The following MLLT10 variants were observed in gnomAD, a reference collection of about 807,000 sequenced individuals.
MLLT10 encodes protein AF-10.
In MLLT10, 30 loss-of-function variants were observed where a neutral mutation model predicts 129.1. The observed-to-expected ratio is 0.23, with a 90% CI of 0.17 to 0.32. The LOEUF is 0.32. MLLT10 is among the 10% of genes least tolerant of loss of function. MLLT10 has a pLI of 1.00. For synonymous variants in MLLT10, 490 were observed against 446.4 expected (o/e 1.10, Z -1.23); for missense variants, 1,119 against 1,268.3 (o/e 0.88, Z 1.79).
chr10:21,688,535 A>C, intron 13 of MLLT10: 1 of 1,612,070 alleles, frequency 6.2e-7, no homozygotes, highest in Non-Finnish European at 8.5e-7. Context: ...ACTTAAATTC[A>C]TAGGTATGTA....
At chr10:21,728,070 T>A in intron 16 of MLLT10, 142 bp downstream of exon 16, 2 of 593,236 alleles carry the variant, frequency 3.4e-6, no homozygotes, top group Non-Finnish European at 5.9e-6. Flanking sequence ...ACAAGAAAAA[T>A]GATTCTAAAT....
intron 7 of MLLT10, among the ~76,000 whole-genome samples, chr10:21,615,848 G>A (rs974006243): frequency 1.3e-5 from 2 of 152,116 alleles, no homozygotes; most frequent in African/African-American, 4.8e-5. Flanking sequence ...TTACATATTT[G>A]TATCCATGTT....
intron 14 of MLLT10, among the ~76,000 whole-genome samples, chr10:21,725,402 G>A (rs977380752): frequency 2.6e-5 from 4 of 151,994 alleles, no homozygotes; most frequent in Non-Finnish European, 5.9e-5. Flanking sequence ...ACCTTCCAAC[G>A]TGCCAGTTCT....
Position 21,571,323 on chromosome 10 carries a change from C to G in MLLT10, c.241-14971C>G, listed in dbSNP as rs532646187. ...CCTTTGTAGATCTCTTCATTTCTCT[C>G]TCTCTCTCCAGCTCTCTACTCAGTG... On this transcript the variant is annotated intron_variant, in intron 3 of 22. Transcript: ENST00000307729. 1.1e-4 allele frequency among the ~76,000 whole-genome samples: 16 copies of G among 152,038 alleles called. No homozygotes were observed. In the South Asian group the frequency reaches 3.1e-3, roughly 30 times the overall value.
chr10:21,566,113 C>T (rs1447379424), intron 3 of MLLT10, among the ~76,000 whole-genome samples: 4 of 151,604 alleles, frequency 2.6e-5, no homozygotes, highest in Non-Finnish European at 4.4e-5. Flanking sequence ...CCACGCCTGG[C>T]TAAATTTTTT....
intron 5 of MLLT10, among the ~76,000 whole-genome samples, chr10:21,601,635 C>T (rs1442166456): frequency 2.0e-5 from 3 of 152,144 alleles, no homozygotes; most frequent in Non-Finnish European, 1.5e-5. Context: ...AGCAATCAGT[C>T]CTCCCACCTC....
rs867201193 is a variant in MLLT10, at chr10:21,559,837, T to C, written c.240+20925T>C. 5.3e-5 allele frequency among the ~76,000 whole-genome samples: 8 copies of C among 152,268 alleles called. No individual in the cohort carries two copies. In the South Asian group the frequency reaches 1.7e-3, roughly 31 times the overall value. On this transcript the variant is annotated intron_variant, in intron 3 of 22. Coordinates refer to ENST00000307729, the MANE Select transcript of MLLT10 (RefSeq NM_001195626.3). Reference sequence around the variant, plus strand: ...CCATTGTTATGTATATACCGTGTTTTGTTTATCCATTCATCTGTTGATGGA... The same window carrying C: ...CCATTGTTATGTATATACCGTGTTTCGTTTATCCATTCATCTGTTGATGGA...
At chr10:21,668,124 A>G (rs546788884) in intron 9 of MLLT10, among the ~76,000 whole-genome samples, 2 of 152,278 alleles carry the variant, frequency 1.3e-5, no homozygotes, top group South Asian at 2.1e-4. Flanking sequence ...AGTAGTTGGC[A>G]TTTTGTGGTC....
rs1190990691 is a variant in MLLT10, at chr10:21,706,283, T to A, written c.1700-7489T>A. Among the ~76,000 whole-genome samples, 3 of 152,354 alleles carry A rather than the reference T, an allele frequency of 2.0e-5. No homozygotes were observed. The East Asian group carries it at 5.8e-4, about 29-fold the overall frequency. On this transcript the variant is annotated intron_variant, in intron 13 of 22. Coordinates refer to ENST00000307729, the MANE Select transcript of MLLT10 (RefSeq NM_001195626.3). The stretch of plus-strand genomic sequence containing the variant: ...GATGTTTACTATGTGGTAGACAGCA[T>A]ACTGTCTACCATGACTGGTGCCTGC...
chr10:21,564,878 C>G (rs1044057425), intron 3 of MLLT10, among the ~76,000 whole-genome samples: 4 of 150,020 alleles, frequency 2.7e-5, no homozygotes, highest in Non-Finnish European at 5.9e-5. Flanking sequence ...TTCTGTTGTT[C>G]TGTAAAATGT....
chr10:21,634,305 T>C (rs970579218), intron 8 of MLLT10, among the ~76,000 whole-genome samples: 1 of 152,218 alleles, frequency 6.6e-6, no homozygotes, highest in Non-Finnish European at 1.5e-5. Flanking sequence ...CTAGTTGTTT[T>C]GCAGTGTTGC....
chr10:21,539,886 A>G (rs2034791126), intron 3 of MLLT10, among the ~76,000 whole-genome samples: 1 of 152,008 alleles, frequency 6.6e-6, no homozygotes, highest in Non-Finnish European at 1.5e-5. Context: ...CGGAGGTTGC[A>G]GTGAGCTGAG....
chr10:21,622,813 C>T (rs188039730), intron 8 of MLLT10, among the ~76,000 whole-genome samples: 5 of 152,256 alleles, frequency 3.3e-5, no homozygotes, highest in Admixed American at 6.5e-5. Context: ...GTGCAGATCC[C>T]ATAGATACTG....
chr10:21,681,938 A>G (rs1291887098), intron 12 of MLLT10, among the ~76,000 whole-genome samples: 7 of 152,206 alleles, frequency 4.6e-5, no homozygotes, highest in African/African-American at 1.2e-4. Flanking sequence ...ATGTCTTTTA[A>G]AAAGTGATTT....
At chr10:21,679,602 G>A (rs574301877) in intron 11 of MLLT10, among the ~76,000 whole-genome samples, 1 of 152,284 alleles carries the variant, frequency 6.6e-6, no homozygotes, top group South Asian at 2.1e-4. Context: ...AATGGAACAC[G>A]AGGCATAAAG....
At position 21,534,626 on chromosome 10, in the gene MLLT10, C is replaced by T. The variant is rs755110760; in HGVS notation, c.1-19C>T. ...CGGCTTGCATGTGTTTTTTAATGGT[C>T]CCCCCAACTCCCTCTTAGATGGTCT... is the stretch of plus-strand genomic sequence containing the variant. On this transcript the variant is annotated intron_variant, in intron 1 of 22. Coordinates refer to ENST00000307729, the MANE Select transcript of MLLT10 (RefSeq NM_001195626.3). 1 of 1,592,984 alleles carries T rather than the reference C, an allele frequency of 6.3e-7. No homozygotes were observed. The highest frequency in any genetic ancestry group is 8.6e-7 in the Non-Finnish European group (1 of 1,168,016).
chr10:21,612,646 A>G (rs149844805), intron 6 of MLLT10, among the ~76,000 whole-genome samples, 195 bp downstream of exon 6: 1 of 152,218 alleles, frequency 6.6e-6, no homozygotes, highest in East Asian at 1.9e-4. Context: ...TTTTGCAATA[A>G]GTGGACTCTG....
intron 5 of MLLT10, among the ~76,000 whole-genome samples, chr10:21,601,948 A>T (rs1443010587): frequency 6.6e-6 from 1 of 152,206 alleles, no homozygotes; most frequent in Non-Finnish European, 1.5e-5. Context: ...GGGAGATTTT[A>T]CAAAAACTGA....
At chr10:21,738,506 C>G in intron 21 of MLLT10, 1 of 1,287,938 alleles carries the variant, frequency 7.8e-7, no homozygotes, top group Non-Finnish European at 1.0e-6. Flanking sequence ...TTTCCTTCAT[C>G]TGCCAATGTC....
Sources: gnomAD v4.1 joint callset for allele counts (sites outside exome capture counted in the v4.1 genomes callset) on GRCh38, gnomAD v4.1.1 for gene constraint, MANE v1.5 for transcripts, NCBI Gene and HGNC (gene_info 2026-07-23, HGNC 2026-07-21) for gene names.